Variants in PRDM2 observed in about 807,000 individuals in gnomAD.
PRDM2 encodes PR/SET domain 2.
In PRDM2, 30 loss-of-function variants were observed where a neutral mutation model predicts 130.0. The ratio of observed to expected loss-of-function variants is 0.23; its 90% CI spans 0.17 to 0.31. The LOEUF (loss-of-function observed/expected upper bound fraction) is 0.31. Ranked by LOEUF, PRDM2 falls within the 10% of genes least tolerant of loss-of-function variation. The pLI is 1.00. For missense variants in PRDM2, 2,011 were observed against 2,108.4 expected (o/e 0.95, Z 0.90); for synonymous variants, 871 against 782.4 (o/e 1.11, Z -1.89).
intron 1 of PRDM2, chr1:13,704,860 A>C (rs1642160761): frequency 6.6e-6 from 1 of 152,248 alleles, no homozygotes; most frequent in Non-Finnish European, 1.5e-5. Context: ...TCAGTGTAAA[A>C]GTGACATTCT....
At chr1:13,814,144 C>G (rs114625755) in intron 8 of PRDM2, among the ~76,000 whole-genome samples, 1,786 of 152,342 alleles carry the variant, frequency 0.012, 33 homozygotes, top group South Asian at 0.07. Flanking sequence ...CAGCAGCCTC[C>G]CAGCTGGCTG....
At chr1:13,773,338 G>A in intron 7 of PRDM2, 150 bp downstream of exon 7, 3 of 446,736 alleles carry the variant, frequency 6.7e-6, no homozygotes, top group East Asian at 3.6e-5. Context: ...AATGTGGTAA[G>A]CTGAGCCTTC....
chr1:13,715,439 A>G (rs1642503316), intron 1 of PRDM2, 102 bp from the exon 2 acceptor site: 2 of 457,436 alleles, frequency 4.4e-6, no homozygotes, highest in Non-Finnish European at 3.9e-6. Context: ...GAGTTGCTTT[A>G]TAAATAGCCC....
chr1:13,778,313 A>G, intron 7 of PRDM2, 105 bp from the exon 8 acceptor site: 1 of 1,164,458 alleles, frequency 8.6e-7, no homozygotes, highest in South Asian at 1.5e-5. Flanking sequence ...CATCTCCCTT[A>G]TGTTTTAGGT....
intron 8 of PRDM2, among the ~76,000 whole-genome samples, chr1:13,811,773 A>AGAAGGGAACTCCAAAGGCTAT (rs1645176685): frequency 2.0e-5 from 3 of 152,272 alleles, no homozygotes; most frequent in Admixed American, 2.0e-4. Context: ...GAAGGAAGAC[A>AGAAGGGAACTCCAAAGGCTAT]GAAGGGAACT....
intron 1 of PRDM2, among the ~76,000 whole-genome samples, chr1:13,708,119 C>A (rs539197212): frequency 9.9e-5 from 15 of 151,982 alleles, no homozygotes; most frequent in African/African-American, 3.6e-4. Context: ...ACGTTTACTT[C>A]TGAGCTGGCA....
intron 6 of PRDM2, among the ~76,000 whole-genome samples, chr1:13,767,091 A>T (rs1318899198): frequency 6.6e-6 from 1 of 152,182 alleles, no homozygotes; most frequent in Admixed American, 6.5e-5. Flanking sequence ...GTCTTAGAAA[A>T]TAGTCATTAT....
rs1645084799 is a variant in PRDM2 at position 13,806,250 on chromosome 1, GGGC to G, written c.5037-10176_5037-10174del. ...TCCCCCGCATCCCGCCTCCATCCCT[GGGC>G]TCTGTCCCCCGCATCCCGCCTCCAT... is the stretch of plus-strand genomic sequence containing the variant. On this transcript the variant is annotated intron_variant, in intron 8 of 9. Transcript: ENST00000311066. This position sits in a 1 kb window ranked among gnomAD's most constrained non-coding sequence, Gnocchi z 4.1. Among the ~76,000 whole-genome samples, 1 of 140,162 alleles carries G rather than the reference GGGC, an allele frequency of 7.1e-6. No individual in the cohort carries two copies. The highest frequency in any genetic ancestry group is 1.5e-5 in the Non-Finnish European group (1 of 65,624). The allele number at this position is 140,162 out of a possible 152,430, so 92.0% of individuals were successfully genotyped here. A position where few individuals can be genotyped will look rare whatever the true frequency, so the allele number is the denominator to read the frequency against.
intron 2 of PRDM2, among the ~76,000 whole-genome samples, chr1:13,725,594 T>C (rs929458820): frequency 2.6e-5 from 4 of 152,208 alleles, no homozygotes; most frequent in Admixed American, 6.5e-5. Context: ...ATTGATTTGG[T>C]ATAATAATGC....
intron 8 of PRDM2, among the ~76,000 whole-genome samples, chr1:13,792,660 T>A (rs1644858649): frequency 6.6e-6 from 1 of 152,200 alleles, no homozygotes; most frequent in South Asian, 2.1e-4. Context: ...CAACAGCCAA[T>A]CTGAATCATC....
rs568359632 is a variant in PRDM2, at chr1:13,779,133, G to A, written c.1338G>A (p.Ser446=). ...AAAACGTTGCTTCAAAAGATGATTC[G>A]AGTCCTCCCAGTCTTGGGCCAGACT... ...SGENVASKDD[S]SPPSLGPDCL... is the part of the protein sequence containing the mutation. Residue 446 remains serine, a synonymous_variant, in exon 8 of 10, where the codon TCG becomes TCA. Transcript: ENST00000311066. This position sits in a 1 kb window ranked among gnomAD's most constrained non-coding sequence, Gnocchi z 4.9. The A allele has an allele frequency of 6.8e-6, 11 of 1,614,122 alleles. No homozygotes were observed. Among genetic ancestry groups the A allele is most frequent in the African/African-American group, 5.3e-5 (4 of 75,020 alleles).
chr1:13,811,567 C>T (rs2100756589), intron 8 of PRDM2, among the ~76,000 whole-genome samples: 1 of 152,306 alleles, frequency 6.6e-6, no homozygotes, highest in South Asian at 2.1e-4. Flanking sequence ...CTCATGGCTG[C>T]CTCCACCCAC....
At chr1:13,819,568 T>TA (rs1489287110) in intron 9 of PRDM2, among the ~76,000 whole-genome samples, 1 of 152,072 alleles carries the variant, frequency 6.6e-6, no homozygotes, top group Non-Finnish European at 1.5e-5. Context: ...AATAATTTTT[T>TA]AAAAAAATCT....
At chr1:13,737,324 G>T (rs1280583272) in intron 4 of PRDM2, among the ~76,000 whole-genome samples, 1 of 152,234 alleles carries the variant, frequency 6.6e-6, no homozygotes, top group Admixed American at 6.5e-5. Context: ...TCGAATTTCA[G>T]TTCATGAGTA....
At chr1:13,812,352 A>G (rs1645188238) in intron 8 of PRDM2, among the ~76,000 whole-genome samples, 1 of 152,122 alleles carries the variant, frequency 6.6e-6, no homozygotes, top group Non-Finnish European at 1.5e-5. Flanking sequence ...CACAGGCCCC[A>G]TGATCACAGC....
In PRDM2 at chr1:13,806,940, T is replaced by C. The variant is rs1411453629; in HGVS notation, c.5037-9487T>C. ...GCACAAGGCGTAGTATCCGGACCGA[T>C]TGATCCCCCCACCCCAGGTCGTAGC... On this transcript the variant is annotated intron_variant, in intron 8 of 9. Transcript: ENST00000311066. The surrounding 1 kb of genome is among the most constrained non-coding windows in gnomAD (Gnocchi z 4.1). Among the ~76,000 whole-genome samples, 2 of 152,148 alleles carry C rather than the reference T, an allele frequency of 1.3e-5. No homozygotes were observed. The highest frequency in any genetic ancestry group is 2.4e-5 in the African/African-American group (1 of 41,408).
intron 2 of PRDM2, among the ~76,000 whole-genome samples, chr1:13,716,828 A>C (rs1286108412): frequency 6.6e-6 from 1 of 152,232 alleles, no homozygotes; most frequent in Non-Finnish European, 1.5e-5. Flanking sequence ...CTTTTAAAAT[A>C]TGAAGGACAA....
At chr1:13,715,163 C>A (rs1055871405) in intron 1 of PRDM2, among the ~76,000 whole-genome samples, 1 of 152,136 alleles carries the variant, frequency 6.6e-6, no homozygotes, top group Non-Finnish European at 1.5e-5. Context: ...TGTTTACGTA[C>A]AACACAGTAT....
rs1644605264 is a variant in PRDM2, at chr1:13,781,166, T to A, written c.3371T>A (p.Val1124Asp). The change falls in exon 8 of 10, where the codon GTT becomes GAT. Residue 1124 changes from valine (V) to aspartate (D), a missense_variant. Around this residue, in one of 5 missense-constraint regions of PRDM2, gnomAD observed 229 missense variants for 364.1 expected, o/e 0.63. Transcript: ENST00000311066. The surrounding 1 kb of genome is among the most constrained non-coding windows in gnomAD (Gnocchi z 6.1). ...EEPQSAAEQD[V>D]VVQETFNKNF... ...CCCCAGTCTGCTGCTGAACAGGATG[T>A]TGTTGTTCAGGAAACATTCAACAAA... 2.5e-6 allele frequency: 4 copies of A among 1,611,250 alleles called. No individual in the cohort carries two copies. Among genetic ancestry groups the A allele is most frequent in the African/African-American group, 1.3e-5 (1 of 74,874 alleles).
Sources: allele counts gnomAD v4.1 joint callset (sites outside exome capture counted in the v4.1 genomes callset), GRCh38; gene constraint gnomAD v4.1.1; regional missense constraint gnomAD v4.1.1; non-coding constraint Gnocchi (gnomAD v3.1); transcripts MANE v1.5; gene names NCBI Gene and HGNC (gene_info 2026-07-23, HGNC 2026-07-21).